Variants in CCDC178 observed in about 807,000 individuals in gnomAD.
CCDC178 encodes the protein coiled-coil domain containing 178.
A neutral mutation model predicts 117.4 loss-of-function variants in CCDC178; 126 were observed. The observed-to-expected ratio is 1.07, with a 90% confidence interval of 0.93 to 1.24. CCDC178 has a LOEUF of 1.24. Among genes scored for constraint, CCDC178 ranks in the 50% most tolerant of loss-of-function variants. CCDC178 has a pLI of 0.00. For missense variants in CCDC178, 1,030 were observed against 986.9 expected (o/e 1.04, Z -0.59); for synonymous variants, 283 against 313.4 (o/e 0.90, Z 1.02).
chr18:33,240,488 AAGAG>A (rs2059474933), intron 15 of CCDC178, among the ~76,000 whole-genome samples: 1 of 151,802 alleles, frequency 6.6e-6, no homozygotes, highest in African/African-American at 2.4e-5. Flanking sequence ...CTAAGAAAAA[AAGAG>A]AGAAGACATA....
rs574722153 is a variant in CCDC178, at chr18:33,022,299, C to T, written c.2389-47618G>A. Among the ~76,000 whole-genome samples, 10 of 152,124 alleles carry T rather than the reference C, an allele frequency of 6.6e-5. 1 individual carries two copies. Among genetic ancestry groups the T allele is most frequent in the African/African-American group, 1.9e-4 (8 of 41,516 alleles). On this transcript the variant is annotated intron_variant, in intron 21 of 22. Coordinates refer to ENST00000383096, the MANE Select transcript of CCDC178 (RefSeq NM_001105528.4). ...AATGATAAAGGAAGAAAACTTAGAACGTTAGGAAGAAAAAAATGTGATAAG... is the reference window on the plus strand; with the variant it reads ...AATGATAAAGGAAGAAAACTTAGAATGTTAGGAAGAAAAAAATGTGATAAG...
At chr18:32,945,151 A>C (rs1390379413) in intron 22 of CCDC178, among the ~76,000 whole-genome samples, 1 of 152,174 alleles carries the variant, frequency 6.6e-6, no homozygotes, top group African/African-American at 2.4e-5. Context: ...TTGGAATTGT[A>C]GGCTATATGT....
At chr18:33,021,219 C>T (rs4264465) in intron 21 of CCDC178, among the ~76,000 whole-genome samples, 151,884 of 152,366 alleles carry the variant, frequency 1, 75,706 homozygotes, top group Middle Eastern at 1. Flanking sequence ...TAACTGAAAA[C>T]ATTTTGATCT....
chr18:33,278,838 G>A (rs1379813318), intron 12 of CCDC178, among the ~76,000 whole-genome samples: 1 of 152,060 alleles, frequency 6.6e-6, no homozygotes, highest in Admixed American at 6.6e-5. Context: ...CATATAAACA[G>A]AACCAAAGAC....
chr18:33,222,375 C>A (rs1439788043), intron 18 of CCDC178, among the ~76,000 whole-genome samples: 1 of 151,324 alleles, frequency 6.6e-6, no homozygotes, highest in African/African-American at 2.4e-5. Context: ...TAGGCTGTTA[C>A]AACAAAACGC....
At chr18:33,220,196 T>C (rs1202353290) in intron 18 of CCDC178, among the ~76,000 whole-genome samples, 1 of 152,052 alleles carries the variant, frequency 6.6e-6, no homozygotes, top group Non-Finnish European at 1.5e-5. Context: ...CAAATCCCAG[T>C]CTCTACTTTG....
intron 8 of CCDC178, 29 bp from the exon 9 acceptor site, chr18:33,346,440 T>G (rs910671540): frequency 1.3e-6 from 2 of 1,481,534 alleles, no homozygotes; most frequent in Non-Finnish European, 1.9e-6. Flanking sequence ...TTCACATTTG[T>G]TAATAAATCA....
At chr18:33,132,401 TTAAC>T (rs1411611884) in intron 20 of CCDC178, among the ~76,000 whole-genome samples, 3 of 151,890 alleles carry the variant, frequency 2.0e-5, no homozygotes, top group East Asian at 3.9e-4. Flanking sequence ...TAAACCGTCT[TTAAC>T]TGACAAACAT....
intron 21 of CCDC178, among the ~76,000 whole-genome samples, chr18:33,033,475 G>A (rs1298502771): frequency 6.6e-6 from 1 of 151,906 alleles, no homozygotes; most frequent in African/African-American, 2.4e-5. Flanking sequence ...CTCTACCTAT[G>A]CCTTTGTTCC....
intron 20 of CCDC178, among the ~76,000 whole-genome samples, chr18:33,150,336 T>G (rs1568019265): frequency 6.6e-6 from 1 of 152,018 alleles, no homozygotes; most frequent in African/African-American, 2.4e-5. Context: ...GGCAAATAAT[T>G]CATGACTAAG....
chr18:33,189,414 A>G (rs1040743226), intron 20 of CCDC178, among the ~76,000 whole-genome samples: 8 of 152,190 alleles, frequency 5.3e-5, no homozygotes, highest in Admixed American at 1.3e-4. Flanking sequence ...ATATTTGTAT[A>G]TTATATATGT....
chr18:33,048,431 A>G (rs1052776069), intron 21 of CCDC178, among the ~76,000 whole-genome samples: 2 of 152,194 alleles, frequency 1.3e-5, no homozygotes, highest in African/African-American at 2.4e-5. Flanking sequence ...AGCAGCTCTC[A>G]GATTAGAATA....
chr18:33,393,292 C>T (rs1237681964), intron 4 of CCDC178, among the ~76,000 whole-genome samples: 2 of 152,012 alleles, frequency 1.3e-5, no homozygotes, highest in Non-Finnish European at 2.9e-5. Flanking sequence ...GCATTTAAAC[C>T]TTATATTTAT....
chr18:33,339,136 T>A (rs1308196971), intron 9 of CCDC178, among the ~76,000 whole-genome samples: 2 of 152,002 alleles, frequency 1.3e-5, no homozygotes, highest in African/African-American at 4.8e-5. Flanking sequence ...AACTGATAAT[T>A]CTAGAAAATA....
intron 21 of CCDC178, among the ~76,000 whole-genome samples, chr18:33,056,433 T>C (rs1179158905): frequency 6.6e-6 from 1 of 152,252 alleles, no homozygotes; most frequent in Non-Finnish European, 1.5e-5. Context: ...GGTTACCAAT[T>C]AGCATTGGTG....
rs1568036895 is a variant in CCDC178, at chr18:33,179,081, ATATAT to A, written c.2238+32810_2238+32814del. On this transcript the variant is annotated intron_variant, in intron 20 of 22. Coordinates refer to ENST00000383096, the MANE Select transcript of CCDC178 (RefSeq NM_001105528.4). ...CAGTAAAAAAAAAAAAAAAAAAAAT[ATATAT>A]ATATATATATATATATATATATAAA... Among the ~76,000 whole-genome samples the A allele has an allele frequency of 6.9e-4, 43 of 62,088 alleles. 1 individual carries two copies. Among genetic ancestry groups the A allele is most frequent in the African/African-American group, 3.5e-3 (36 of 10,286 alleles). The allele number at this position is 62,088 out of a possible 152,430, so 40.7% of individuals were successfully genotyped here.
intron 2 of CCDC178, among the ~76,000 whole-genome samples, chr18:33,422,913 A>G (rs2064049279): frequency 6.6e-6 from 1 of 152,162 alleles, no homozygotes; most frequent in Non-Finnish European, 1.5e-5. Context: ...TTGTTTCCAC[A>G]TTTCAAGAGT....
intron 22 of CCDC178, among the ~76,000 whole-genome samples, chr18:32,953,865 A>G (rs1411629974): frequency 1.3e-5 from 2 of 152,196 alleles, no homozygotes; most frequent in African/African-American, 2.4e-5. Context: ...GCAAAATGAT[A>G]ACAGAAGTTT....
chr18:33,306,292 C>T (rs979718474), intron 11 of CCDC178, among the ~76,000 whole-genome samples: 9 of 151,832 alleles, frequency 5.9e-5, no homozygotes, highest in Admixed American at 3.3e-4. Flanking sequence ...AACAGTTTGG[C>T]CACTGGAACA....
Sources: allele counts gnomAD v4.1 joint callset (sites outside exome capture counted in the v4.1 genomes callset), GRCh38; gene constraint gnomAD v4.1.1; transcripts MANE v1.5; gene names NCBI Gene and HGNC (gene_info 2026-07-23, HGNC 2026-07-21).